The following VPS13C variants were observed in gnomAD, a reference collection of about 807,000 sequenced individuals.
VPS13C encodes intermembrane lipid transfer protein VPS13C.
VPS13C carries 358 observed loss-of-function variants against 456.8 expected under a neutral mutation model. The ratio of observed to expected loss-of-function variants is 0.78; its 90% CI spans 0.72 to 0.86. The LOEUF is 0.86. Among genes scored for constraint, VPS13C ranks in the 40% least tolerant of loss-of-function variants. VPS13C has a pLI of 0.00. For missense variants in VPS13C, 4,818 were observed against 4,385.4 expected, an observed-to-expected ratio of 1.10 and a Z score of -2.79; for synonymous variants, 1,578 against 1,486.7, an observed-to-expected ratio of 1.06 and a Z score of -1.41.
chr15:61,855,777 C>T (rs921892755), intron 83 of VPS13C, among the ~76,000 whole-genome samples: 9 of 151,870 alleles, frequency 5.9e-5, no homozygotes, highest in Admixed American at 4.6e-4. Flanking sequence ...ATGTAACAAA[C>T]ATATTTCAAA....
In VPS13C at chr15:61,982,488, A is replaced by C; in HGVS notation, c.2000T>G (p.Leu667Arg). Residue 667 changes from leucine (L) to arginine (R), a missense_variant, in exon 21 of 85, where the codon CTG becomes CGG. Around this residue, in one of 3 missense-constraint regions of VPS13C, gnomAD observed 4,552 missense variants for 4,130.6 expected, o/e 1.10. Coordinates refer to ENST00000644861, the MANE Select transcript of VPS13C (RefSeq NM_020821.3). Reference protein sequence around the residue: ...EQITSATLMKLEEIKERTATG... With the variant: ...EQITSATLMKREEIKERTATG... ...AGCTGTTCTCTCCTTAATTTCTTCC[A>C]GCTTCATCAATGTTGCTGATGTTAT... The C allele has an allele frequency of 6.2e-7, 1 of 1,608,662 alleles. No homozygotes were observed. The highest frequency in any genetic ancestry group is 1.7e-4 in the Middle Eastern group (1 of 6,046).
rs766348713 is a variant in VPS13C, at chr15:62,044,260, A to T, written c.101-5T>A. 6.9e-7 allele frequency: 1 copy of T among 1,456,734 alleles called. No individual in the cohort carries two copies. The highest frequency in any genetic ancestry group is 1.9e-5 in the Admixed American group (1 of 51,734). The allele number at this position is 1,456,734 out of a possible 1,614,324, so 90.2% of individuals were successfully genotyped here. ...GATTATCTAAAGCCACATTTCCTTTAAAAAAAGAAAACAAAGAAAAATATT... is the reference window on the plus strand; with the variant it reads ...GATTATCTAAAGCCACATTTCCTTTTAAAAAAGAAAACAAAGAAAAATATT... On this transcript the variant is annotated splice_polypyrimidine_tract_variant and splice_region_variant and intron_variant, in intron 1 of 84. Coordinates refer to ENST00000644861, the MANE Select transcript of VPS13C (RefSeq NM_020821.3).
rs1001451525 is a variant in VPS13C, at chr15:61,922,258, G to A, written c.6975+139C>T. 116 of 1,192,156 alleles carry A rather than the reference G, an allele frequency of 9.7e-5. 1 individual carries two copies. The highest frequency in any genetic ancestry group is 4.1e-4 in the Admixed American group (16 of 39,148). The allele number at this position is 1,192,156 out of a possible 1,614,324, so 73.8% of individuals were successfully genotyped here. A position where few individuals can be genotyped will look rare whatever the true frequency, so the allele number is the denominator to read the frequency against. On this transcript the variant is annotated intron_variant, in intron 54 of 84. Coordinates refer to ENST00000644861, the MANE Select transcript of VPS13C (RefSeq NM_020821.3). Reference sequence around the variant, plus strand: ...AATAATTATCAAAAAACAATACATCGACAAATTAAATGTCAGAACACACTA... The same window carrying A: ...AATAATTATCAAAAAACAATACATCAACAAATTAAATGTCAGAACACACTA...
At chr15:61,876,872 G>A in intron 75 of VPS13C, 101 bp downstream of exon 75, 2 of 773,850 alleles carry the variant, frequency 2.6e-6, no homozygotes, top group Non-Finnish European at 3.8e-6. Context: ...TTCAAAGTGA[G>A]ATAAATTAGA....
chr15:61,855,726 T>A (rs1893866531), intron 83 of VPS13C, among the ~76,000 whole-genome samples: 1 of 152,060 alleles, frequency 6.6e-6, no homozygotes, highest in Admixed American at 6.5e-5. Flanking sequence ...AATAATAATT[T>A]ATAGTTTTTT....
At chr15:61,894,202 G>A (rs943637501) in intron 66 of VPS13C, among the ~76,000 whole-genome samples, 2 of 152,022 alleles carry the variant, frequency 1.3e-5, no homozygotes, top group African/African-American at 4.8e-5. Flanking sequence ...CAGCTACTAG[G>A]GAGGCTGAGG....
At chr15:61,986,982 T>C (rs1285529706) in intron 18 of VPS13C, among the ~76,000 whole-genome samples, 1 of 152,048 alleles carries the variant, frequency 6.6e-6, no homozygotes, top group Non-Finnish European at 1.5e-5. Context: ...CAAAATAATA[T>C]AATTGGTATT....
intron 66 of VPS13C, among the ~76,000 whole-genome samples, chr15:61,897,012 G>A (rs1000907358): frequency 6.6e-6 from 1 of 152,118 alleles, no homozygotes; most frequent in Non-Finnish European, 1.5e-5. Flanking sequence ...CACACGGCAG[G>A]GTACTCCAAC....
At chr15:61,969,273 A>T (rs775535299) in intron 28 of VPS13C, 26 bp downstream of exon 28, 1 of 1,508,580 alleles carries the variant, frequency 6.6e-7, no homozygotes. Context: ...ATTATAGGCT[A>T]TTATTTCTAT....
At chr15:61,928,030 C>T (rs946747803) in intron 51 of VPS13C, among the ~76,000 whole-genome samples, 3 of 101,758 alleles carry the variant, frequency 2.9e-5, no homozygotes, top group African/African-American at 7.9e-5. Context: ...CAACACACAC[C>T]GGGGACCGTT....
At chr15:61,928,724 C>CA in intron 51 of VPS13C, among the ~76,000 whole-genome samples, 1 of 151,656 alleles carries the variant, frequency 6.6e-6, no homozygotes, top group Non-Finnish European at 1.5e-5. Context: ...TACCGAAAAA[C>CA]AAAAAATACC....
In VPS13C at chr15:61,854,540, C is replaced by T. The variant is rs758074135; in HGVS notation, c.11179G>A (p.Glu3727Lys). The change falls in exon 85 of 85, where the codon GAG becomes AAG. Residue 3727 changes from glutamate (E) to lysine (K), a missense_variant. Physicochemically the swap from Glu to Lys is moderately conservative, Grantham distance 56. Coordinates refer to ENST00000644861, the MANE Select transcript of VPS13C (RefSeq NM_020821.3). ...ATAERACNAI[E>K]DAQSTRQQQK... is the part of the protein sequence containing the mutation. ...TGCTGTCTCGTTGACTGTGCATCCT[C>T]AATGGCATTACATGCTCTCTGTAAA... 1.1e-5 allele frequency: 17 copies of T among 1,613,924 alleles called. No individual in the cohort carries two copies. Among genetic ancestry groups the T allele is most frequent in the African/African-American group, 2.7e-5 (2 of 74,888 alleles).
At chr15:62,046,727 T>C (rs572677920) in intron 1 of VPS13C, among the ~76,000 whole-genome samples, 2 of 152,330 alleles carry the variant, frequency 1.3e-5, no homozygotes, top group African/African-American at 2.4e-5. Context: ...TGTAAAAATA[T>C]AAATATACTT....
chr15:62,001,110 T>C (rs1400125639), intron 15 of VPS13C, among the ~76,000 whole-genome samples: 1 of 152,172 alleles, frequency 6.6e-6, no homozygotes, highest in South Asian at 2.1e-4. Flanking sequence ...TAAAAGTACG[T>C]GGGGGAATCC....
In VPS13C at chr15:61,913,414, A is replaced by G. The variant is rs761443242; in HGVS notation, c.8447T>C (p.Val2816Ala). 3.7e-6 allele frequency: 6 copies of G among 1,612,386 alleles called. No homozygotes were observed. Among genetic ancestry groups the G allele is most frequent in the Non-Finnish European group, 5.1e-6 (6 of 1,178,476 alleles). ...GGCACTGGTTGAAATTTTTAATTGT[A>G]CCTATACCAGAGAGCACATATCGTC... ...KKKNIFTKNKVQLKISTSAWS... is the reference protein window; with the variant it reads ...KKKNIFTKNKAQLKISTSAWS... The change falls in exon 62 of 85, where the codon GTA becomes GCA. Residue 2816 changes from valine to alanine, a missense_variant and splice_region_variant. By Grantham distance (64) the Val-to-Ala change is moderately conservative (BLOSUM62 0). This residue lies in a region of VPS13C where 4,552 missense variants were observed against 4,130.6 expected (regional missense o/e 1.10). Coordinates refer to ENST00000644861, the MANE Select transcript of VPS13C (RefSeq NM_020821.3).
chr15:62,032,392 A>C (rs933286269), intron 5 of VPS13C, among the ~76,000 whole-genome samples: 4 of 151,804 alleles, frequency 2.6e-5, no homozygotes, highest in Non-Finnish European at 5.9e-5. Flanking sequence ...AAATATGCTC[A>C]AGTGTGAAAA....
chr15:61,885,656 C>G (rs1466142692), intron 67 of VPS13C, among the ~76,000 whole-genome samples: 1 of 152,086 alleles, frequency 6.6e-6, no homozygotes, highest in Admixed American at 6.6e-5. Flanking sequence ...CCACTAAGTA[C>G]CTGCTCACAA....
chr15:61,913,609 G>A (rs1282667090), intron 61 of VPS13C, among the ~76,000 whole-genome samples, 194 bp from the exon 62 acceptor site: 1 of 151,154 alleles, frequency 6.6e-6, no homozygotes, highest in Non-Finnish European at 1.5e-5. Context: ...AACTTCCTGA[G>A]AAAGTTTGAA....
Position 61,925,527 on chromosome 15 carries a change from A to C in VPS13C, c.6538T>G (p.Phe2180Val), listed in dbSNP as rs765881428. The C allele has an allele frequency of 5.0e-6, 8 of 1,604,036 alleles. No individual in the cohort carries two copies. Among genetic ancestry groups the C allele is most frequent in the Non-Finnish European group, 4.3e-6 (5 of 1,175,582 alleles). ...ITTVLQPCSL[F>V]MEKCTWASGK... Reference sequence around the variant, plus strand: ...GAAGCCCACGTACATTTTTCCATAAATAAAGAACAGGGCTGCAAGACCTAT... The same window carrying C: ...GAAGCCCACGTACATTTTTCCATAACTAAAGAACAGGGCTGCAAGACCTAT... Residue 2180 changes from phenylalanine to valine, a missense_variant, in exon 53 of 85, where the codon TTT (phenylalanine) becomes GTT (valine). This residue lies in a region of VPS13C where 4,552 missense variants were observed against 4,130.6 expected (regional missense o/e 1.10). Coordinates refer to ENST00000644861, the MANE Select transcript of VPS13C (RefSeq NM_020821.3).
Sources: gnomAD v4.1 joint callset for allele counts (sites outside exome capture counted in the v4.1 genomes callset) on GRCh38, gnomAD v4.1.1 for gene constraint, gnomAD v4.1.1 regional missense constraint, MANE v1.5 for transcripts, NCBI Gene and HGNC (gene_info 2026-07-23, HGNC 2026-07-21) for gene names.